The following MZT2A variants were observed in gnomAD, a reference collection of about 807,000 sequenced individuals.
MZT2A encodes the protein mitotic spindle organizing protein 2A, also known as mitotic-spindle organizing protein 2A.
A neutral mutation model predicts 12.4 loss-of-function variants in MZT2A; 8 were observed. The observed-to-expected ratio is 0.64, with a 90% CI of 0.38 to 1.16. The LOEUF (loss-of-function observed/expected upper bound fraction) is 1.16. MZT2A is among the 50% of genes most tolerant of loss of function. MZT2A has a pLI of 0.01. For missense variants in MZT2A, 181 were observed against 223.6 expected, an observed-to-expected ratio of 0.81 and a Z score of 1.22; for synonymous variants, 88 against 107.5, an observed-to-expected ratio of 0.82 and a Z score of 1.12.
intron 2 of MZT2A, chr2:131,491,015 C>G (rs1034743032): frequency 1.4e-6 from 2 of 1,411,662 alleles, no homozygotes; most frequent in African/African-American, 2.9e-5. Context: ...GGCACTTCCC[C>G]CATGAAGGCA....
chr2:131,475,892 A>T (rs966777232), intron 2 of MZT2A, among the ~76,000 whole-genome samples: 1 of 152,116 alleles, frequency 6.6e-6, no homozygotes, highest in Non-Finnish European at 1.5e-5. Flanking sequence ...AGCTGTTCCA[A>T]CCCTGGTCAG....
chr2:131,474,129 G>A (rs957371385), intron 2 of MZT2A, among the ~76,000 whole-genome samples: 4 of 147,524 alleles, frequency 2.7e-5, no homozygotes, highest in Admixed American at 1.3e-4. Context: ...ACAGAGTCTC[G>A]CTGTGTTGCC....
At chr2:131,481,825 C>T (rs1442998010), downstream of MZT2A, among the ~76,000 whole-genome samples, 1 of 152,228 alleles carries the variant, frequency 6.6e-6, no homozygotes, top group Non-Finnish European at 1.5e-5. Flanking sequence ...ACCTGTCTCC[C>T]AAAGTGCTGG....
downstream of MZT2A, among the ~76,000 whole-genome samples, chr2:131,483,097 G>A (rs569594960): frequency 3.3e-5 from 5 of 152,282 alleles, no homozygotes; most frequent in East Asian, 9.7e-4. Flanking sequence ...CTGACCAGGG[G>A]AAAATAGTGT....
At chr2:131,480,121 G>A (rs371318608), downstream of MZT2A, 132 of 1,612,750 alleles carry the variant, frequency 8.2e-5, no homozygotes, top group Non-Finnish European at 1.1e-4. Context: ...AGCTTTGGGG[G>A]CGGCACTGGC....
downstream of MZT2A, chr2:131,483,944 AAC>A: frequency 6.9e-7 from 1 of 1,445,052 alleles, no homozygotes; most frequent in South Asian, 1.7e-5. Flanking sequence ...AAAAAAAAAA[AAC>A]AGTAGAGAGC....
At chr2:131,485,303 A>G (rs1206775166) in intron 2 of MZT2A, among the ~76,000 whole-genome samples, 2 of 152,040 alleles carry the variant, frequency 1.3e-5, no homozygotes, top group Non-Finnish European at 2.9e-5. Context: ...GCAGGCTCAA[A>G]CCCTGGCTGG....
chr2:131,483,393 C>T (rs1297630839), downstream of MZT2A, among the ~76,000 whole-genome samples: 1 of 152,140 alleles, frequency 6.6e-6, no homozygotes, highest in Admixed American at 6.5e-5. Context: ...CCCATGCTGA[C>T]CCCAGTGCTC....
Position 131,491,952 on chromosome 2 carries a change from G to A in MZT2A, c.243C>T (p.Ala81=), listed in dbSNP as rs1203888028. Reference sequence around the variant, plus strand: ...GGGGCTCGCTCGCTAGCCTCTGCCCGGCACACATGGACTTGAGCATCTGGA... The same window carrying A: ...GGGGCTCGCTCGCTAGCCTCTGCCCAGCACACATGGACTTGAGCATCTGGA... The part of the protein sequence containing the change: ...AVFQMLKSMC[A]GQRLASEPQD... Residue 81 remains alanine, a synonymous_variant, in exon 2 of 3, where the codon GCC becomes GCT. Coordinates refer to ENST00000309451, the MANE Select transcript of MZT2A (RefSeq NM_001085365.2). The A allele has an allele frequency of 1.3e-6, 2 of 1,543,542 alleles. No individual in the cohort carries two copies. The highest frequency in any genetic ancestry group is 1.8e-6 in the Non-Finnish European group (2 of 1,142,304).
Position 131,486,843 on chromosome 2 carries a change from A to T in MZT2A, c.320-2625T>A, listed in dbSNP as rs535991921. On this transcript the variant is annotated intron_variant, in intron 2 of 2. Transcript: ENST00000309451. ...TGACAAACCCTGGAAATGTGAAACC[A>T]ACATAACCGTAAGCCATAACTGATA... is the stretch of plus-strand genomic sequence containing the variant. Among the ~76,000 whole-genome samples, 4 of 152,290 alleles carry T rather than the reference A, an allele frequency of 2.6e-5. No homozygotes were observed. The South Asian group carries it at 8.3e-4, about 32-fold the overall frequency.
intron 2 of MZT2A, chr2:131,489,371 T>TC (rs1679195326): frequency 6.7e-6 from 1 of 149,810 alleles, no homozygotes; most frequent in East Asian, 2.0e-4. Flanking sequence ...CTGGCTAGTT[T>TC]TTTTTTTTTT....
chr2:131,478,284 A>G lies in MZT2A; in HGVS notation c.279-6102T>C. On this transcript the variant is annotated intron_variant and NMD_transcript_variant, in intron 2 of 4. Transcript: ENST00000427024. ...TGGCCAAATGCCAAGTGATAAAACC[A>G]TTGGTGGCGGGGACGACTCCTTCAA... 2.5e-6 allele frequency: 4 copies of G among 1,614,044 alleles called. No homozygotes were observed. In the Admixed American group the frequency reaches 6.7e-5, roughly 27 times the overall value.
chr2:131,475,319 C>CTTTT lies in MZT2A; in HGVS notation c.279-3141_279-3138dup, dbSNP rs551443616. On this transcript the variant is annotated intron_variant and NMD_transcript_variant, in intron 2 of 4. Coordinates refer to the MZT2A transcript ENST00000427024. ...TACGTTAATTTTGCCTCCTTTCTTC[C>CTTTT]TTTTTTTTTTTTTTTTTTTTTTTTT... 4.8e-3 allele frequency among the ~76,000 whole-genome samples: 456 copies of CTTTT among 94,524 alleles called. 44 individuals are homozygous for CTTTT. Among genetic ancestry groups the CTTTT allele is most frequent in the East Asian group, 0.022 (46 of 2,104 alleles). 62.0% of individuals were successfully genotyped at this position (94,524 alleles called of 152,430 possible).
chr2:131,483,559 C>G (rs1678929644), downstream of MZT2A, among the ~76,000 whole-genome samples: 1 of 149,986 alleles, frequency 6.7e-6, no homozygotes, highest in Non-Finnish European at 1.5e-5. Flanking sequence ...ACTAAAAATA[C>G]AACAAAACTA....
At chr2:131,474,791 T>A (rs1319162830) in intron 2 of MZT2A, among the ~76,000 whole-genome samples, 1 of 151,790 alleles carries the variant, frequency 6.6e-6, no homozygotes, top group East Asian at 2.0e-4. Flanking sequence ...GGTCAGGAGT[T>A]CAAGACTAGC....
At chr2:131,485,226 C>T (rs1049024044) in intron 2 of MZT2A, among the ~76,000 whole-genome samples, 4 of 152,216 alleles carry the variant, frequency 2.6e-5, no homozygotes, top group Non-Finnish European at 4.4e-5. Context: ...ATCCCCCCAG[C>T]ATTTCCTTTG....
rs367787009 is a variant in MZT2A, at chr2:131,484,023, T to C, written c.*38A>G. 5 of 1,577,080 alleles carry C rather than the reference T, an allele frequency of 3.2e-6. No homozygotes were observed. In the African/African-American group the frequency reaches 6.8e-5, roughly 21 times the overall value. On this transcript the variant is annotated 3_prime_UTR_variant, in exon 3 of 3. Coordinates refer to ENST00000309451, the MANE Select transcript of MZT2A (RefSeq NM_001085365.2). ...AACTGAAGGAGGTAACATGTAGCCT[T>C]TGCTGGGGACAAAGATGTGACAAGT...
At chr2:131,483,865 TG>T (rs1281813272), downstream of MZT2A, 1 of 1,247,646 alleles carries the variant, frequency 8.0e-7, no homozygotes, top group Admixed American at 3.7e-5. Flanking sequence ...TGAAGGGACC[TG>T]GTTAGTTCAC....
chr2:131,492,487 G>C (rs1356808643), upstream of MZT2A: 106 of 1,131,820 alleles, frequency 9.4e-5, no homozygotes, highest in Non-Finnish European at 1.1e-4. Context: ...GCCCTGGCGG[G>C]AGCGGCGGGA....
Sources: gnomAD v4.1 joint callset for allele counts (sites outside exome capture counted in the v4.1 genomes callset) on GRCh38, gnomAD v4.1.1 for gene constraint, MANE v1.5 for transcripts, NCBI Gene and HGNC (gene_info 2026-07-23, HGNC 2026-07-21) for gene names.